The following RETREG1 variants were observed in gnomAD, a reference collection of about 807,000 sequenced individuals.
RETREG1 encodes reticulophagy regulator 1.
In RETREG1, 44 loss-of-function variants were observed where a neutral mutation model predicts 54.8. The observed-to-expected ratio is 0.80, with a 90% confidence interval of 0.63 to 1.03. The LOEUF (loss-of-function observed/expected upper bound fraction) is 1.03, where lower values mean the gene tolerates loss of function less well. Ranked by LOEUF, RETREG1 falls within the 50% of genes least tolerant of loss-of-function variation. The pLI is 0.00. For synonymous variants in RETREG1, 217 were observed against 238.5 expected, an observed-to-expected ratio of 0.91 and a Z score of 0.83; for missense variants, 554 against 605.1, an observed-to-expected ratio of 0.92 and a Z score of 0.89.
At chr5:16,539,638 C>T (rs1182358265) in intron 3 of RETREG1, among the ~76,000 whole-genome samples, 2 of 152,162 alleles carry the variant, frequency 1.3e-5, no homozygotes, top group African/African-American at 4.8e-5. Flanking sequence ...CAGTCCTTTC[C>T]AATCAACCAC....
intron 3 of RETREG1, among the ~76,000 whole-genome samples, chr5:16,556,864 C>T (rs1454849199): frequency 1.3e-5 from 2 of 152,218 alleles, no homozygotes; most frequent in Non-Finnish European, 2.9e-5. Flanking sequence ...GAGCTTCGCT[C>T]TGTCACCCAG....
chr5:16,556,156 T>G (rs887661254), intron 3 of RETREG1, among the ~76,000 whole-genome samples: 4 of 45,942 alleles, frequency 8.7e-5, no homozygotes, highest in African/African-American at 3.5e-4. Flanking sequence ...GAAACACCTT[T>G]TTTTTTTCTT....
intron 3 of RETREG1, among the ~76,000 whole-genome samples, chr5:16,540,071 A>G (rs1481577915): frequency 6.6e-6 from 1 of 152,212 alleles, no homozygotes; most frequent in African/African-American, 2.4e-5. Context: ...GGCTACTGAT[A>G]GGAATACAGA....
At chr5:16,485,628 C>A (rs774164668) in intron 3 of RETREG1, among the ~76,000 whole-genome samples, 5 of 152,018 alleles carry the variant, frequency 3.3e-5, no homozygotes, top group Non-Finnish European at 7.4e-5. Flanking sequence ...TGTAAAAGAG[C>A]CTAGTATAAT....
chr5:16,531,358 T>A (rs1012685639), intron 3 of RETREG1, among the ~76,000 whole-genome samples: 1 of 152,198 alleles, frequency 6.6e-6, no homozygotes, highest in African/African-American at 2.4e-5. Flanking sequence ...TGCTTATTAA[T>A]GACATAGTTT....
intron 3 of RETREG1, among the ~76,000 whole-genome samples, chr5:16,554,656 T>A (rs748781590): frequency 6.6e-6 from 1 of 152,176 alleles, no homozygotes; most frequent in Non-Finnish European, 1.5e-5. Context: ...ACTGCGCATA[T>A]ACCTCACTGC....
chr5:16,516,229 G>T (rs553282098), intron 3 of RETREG1, among the ~76,000 whole-genome samples: 126 of 152,232 alleles, frequency 8.3e-4, no homozygotes, highest in African/African-American at 3.0e-3. Flanking sequence ...ATATATGATT[G>T]AAACTATAAA....
intron 1 of RETREG1, among the ~76,000 whole-genome samples, chr5:16,590,109 A>G (rs1561131678): frequency 6.6e-6 from 1 of 152,218 alleles, no homozygotes; most frequent in Non-Finnish European, 1.5e-5. Flanking sequence ...CTAAACTGAG[A>G]ATGAACCTCA....
chr5:16,604,877 G>A (rs1198050040), intron 1 of RETREG1, among the ~76,000 whole-genome samples: 12 of 152,200 alleles, frequency 7.9e-5, no homozygotes, highest in Admixed American at 7.9e-4. Flanking sequence ...CTAAAAGTAC[G>A]TTCGAAATCG....
intron 3 of RETREG1, among the ~76,000 whole-genome samples, chr5:16,527,849 G>A (rs1371445725): frequency 9.1e-6 from 1 of 109,510 alleles, no homozygotes; most frequent in Non-Finnish European, 1.7e-5. Flanking sequence ...TCGCTCCGTC[G>A]CCCAGATTGG....
intron 1 of RETREG1, among the ~76,000 whole-genome samples, chr5:16,599,052 T>A (rs1431945506): frequency 1.3e-5 from 2 of 151,882 alleles, no homozygotes; most frequent in Non-Finnish European, 2.9e-5. Flanking sequence ...ACAAAAAATT[T>A]TAAAAATTAG....
chr5:16,542,589 C>A (rs932349259), intron 3 of RETREG1, among the ~76,000 whole-genome samples: 2 of 152,180 alleles, frequency 1.3e-5, no homozygotes, highest in Non-Finnish European at 2.9e-5. Flanking sequence ...TAATCCAGGT[C>A]TACACTTGTC....
chr5:16,579,396 G>A (rs934219945), intron 1 of RETREG1, among the ~76,000 whole-genome samples: 4 of 152,154 alleles, frequency 2.6e-5, no homozygotes, highest in Non-Finnish European at 5.9e-5. Flanking sequence ...AACGGCTGCT[G>A]GACACAAGTG....
At chr5:16,522,482 C>T (rs1328103550) in intron 3 of RETREG1, among the ~76,000 whole-genome samples, 1 of 152,124 alleles carries the variant, frequency 6.6e-6, no homozygotes, top group African/African-American at 2.4e-5. Context: ...ATGAGCAAAA[C>T]ACCTTCAATG....
intron 3 of RETREG1, among the ~76,000 whole-genome samples, chr5:16,555,031 C>G (rs1325683129): frequency 6.6e-6 from 1 of 151,972 alleles, no homozygotes; most frequent in Non-Finnish European, 1.5e-5. Flanking sequence ...CCACTCCCTA[C>G]TCCCTCTTCT....
chr5:16,499,488 G>C (rs563238409), intron 3 of RETREG1, among the ~76,000 whole-genome samples: 1 of 152,316 alleles, frequency 6.6e-6, no homozygotes, highest in East Asian at 1.9e-4. Context: ...ATAATTTTTA[G>C]AGGTATCATT....
intron 1 of RETREG1, among the ~76,000 whole-genome samples, chr5:16,580,191 C>T (rs1379127087): frequency 1.3e-5 from 2 of 152,174 alleles, no homozygotes; most frequent in African/African-American, 4.8e-5. Context: ...CATGCATGTT[C>T]TATCTGGACG....
At chr5:16,577,097 T>G (rs920270439) in intron 1 of RETREG1, among the ~76,000 whole-genome samples, 4 of 152,082 alleles carry the variant, frequency 2.6e-5, no homozygotes, top group African/African-American at 9.7e-5. Flanking sequence ...CTGCTGAAAT[T>G]GGCAGATGTG....
intron 2 of RETREG1, 73 bp from the exon 3 acceptor site, chr5:16,565,866 C>G: frequency 6.8e-7 from 1 of 1,470,798 alleles, no homozygotes; most frequent in Non-Finnish European, 9.4e-7. Context: ...CAACTCTGAA[C>G]TAGTCCAAGC....
Sources: allele counts gnomAD v4.1 joint callset (sites outside exome capture counted in the v4.1 genomes callset), GRCh38; gene constraint gnomAD v4.1.1; transcripts MANE v1.5; gene names NCBI Gene and HGNC (gene_info 2026-07-23, HGNC 2026-07-21).